Variants in MACROD2 observed in about 807,000 individuals in gnomAD.
MACROD2 encodes the protein mono-ADP ribosylhydrolase 2.
Under a neutral mutation model 70.4 loss-of-function variants are expected in MACROD2, and 36 were observed. The ratio of observed to expected loss-of-function variants is 0.51; its 90% CI spans 0.39 to 0.68. The LOEUF (loss-of-function observed/expected upper bound fraction) is 0.68. Ranked by LOEUF, MACROD2 falls within the 30% of genes least tolerant of loss-of-function variation. The pLI is 0.00. For missense variants in MACROD2, 496 were observed against 538.4 expected (o/e 0.92, Z 0.78); for synonymous variants, 172 against 178.8 (o/e 0.96, Z 0.30).
At chr20:14,938,940 A>AATTTTTTTT (rs2074365546) in intron 5 of MACROD2, among the ~76,000 whole-genome samples, 1 of 86,458 alleles carries the variant, frequency 1.2e-5, no homozygotes, top group Non-Finnish European at 2.5e-5. Flanking sequence ...GTTAAATCAG[A>AATTTTTTTT]TTTTTTTTTT....
At chr20:14,419,109 C>G (rs1030993035) in intron 3 of MACROD2, among the ~76,000 whole-genome samples, 11 of 151,984 alleles carry the variant, frequency 7.2e-5, no homozygotes, top group African/African-American at 2.7e-4. Context: ...GGCTGGAGTG[C>G]AATGGCGGGA....
intron 4 of MACROD2, among the ~76,000 whole-genome samples, chr20:14,582,149 A>G (rs1981070290): frequency 6.6e-6 from 1 of 152,154 alleles, no homozygotes; most frequent in African/African-American, 2.4e-5. Flanking sequence ...ACAAGTCCTC[A>G]TCTCAAGCTC....
intron 6 of MACROD2, among the ~76,000 whole-genome samples, chr20:15,361,367 G>A (rs1165438515): frequency 2.0e-5 from 3 of 152,056 alleles, no homozygotes; most frequent in East Asian, 1.9e-4. Flanking sequence ...TCAAGAAATC[G>A]GTTGGCCATA....
At chr20:15,186,395 G>C (rs1057226853) in intron 5 of MACROD2, among the ~76,000 whole-genome samples, 1 of 152,118 alleles carries the variant, frequency 6.6e-6, no homozygotes, top group Non-Finnish European at 1.5e-5. Flanking sequence ...ATGATCTGAA[G>C]TCTACTTTTT....
chr20:14,463,603 G>A (rs2084399922), intron 3 of MACROD2, among the ~76,000 whole-genome samples: 2 of 152,014 alleles, frequency 1.3e-5, no homozygotes, highest in Non-Finnish European at 2.9e-5. Flanking sequence ...GGGCATCCCT[G>A]TTTGTGCCAG....
At chr20:14,934,685 G>T (rs1203825946) in intron 5 of MACROD2, among the ~76,000 whole-genome samples, 3 of 152,112 alleles carry the variant, frequency 2.0e-5, no homozygotes, top group African/African-American at 7.2e-5. Flanking sequence ...TACTCAGGAG[G>T]CTGAGGCAGG....
At chr20:14,330,850 AAACC>A (rs2082823113) in intron 3 of MACROD2, among the ~76,000 whole-genome samples, 1 of 152,078 alleles carries the variant, frequency 6.6e-6, no homozygotes, top group Non-Finnish European at 1.5e-5. Context: ...TGAAAATGGA[AAACC>A]AAGCTGCTGA....
At position 15,965,999 on chromosome 20, in the gene MACROD2, A is replaced by G. The variant is rs184229812; in HGVS notation, c.908-1554A>G. Among the ~76,000 whole-genome samples, 419 of 152,310 alleles carry G rather than the reference A, an allele frequency of 2.8e-3. 1 individual carries two copies. Among genetic ancestry groups the G allele is most frequent in the Non-Finnish European group, 3.6e-3 (244 of 68,022 alleles). ...CTTCACTGGTTATTAAATTTGAATC[A>G]TATGTTAACTACCCAGGTTTCTCAC... On this transcript the variant is annotated intron_variant, in intron 12 of 17. Coordinates refer to ENST00000684519, the MANE Select transcript of MACROD2 (RefSeq NM_001351661.2).
chr20:15,196,328 A>G (rs920672495), intron 5 of MACROD2, among the ~76,000 whole-genome samples: 8 of 152,214 alleles, frequency 5.3e-5, no homozygotes, highest in African/African-American at 1.9e-4. Context: ...TAACAAGAAC[A>G]TACAACAAAT....
intron 4 of MACROD2, among the ~76,000 whole-genome samples, chr20:14,611,313 G>C (rs1454378828): frequency 6.6e-6 from 1 of 151,980 alleles, no homozygotes; most frequent in African/African-American, 2.4e-5. Flanking sequence ...AGAATACCTG[G>C]TGTATAGTAA....
At chr20:15,966,832 T>A (rs1321287904) in intron 12 of MACROD2, among the ~76,000 whole-genome samples, 1 of 152,188 alleles carries the variant, frequency 6.6e-6, no homozygotes, top group East Asian at 1.9e-4. Flanking sequence ...ATTCACAGGA[T>A]CATTCCAGTA....
At chr20:14,539,066 T>C (rs943524472) in intron 4 of MACROD2, among the ~76,000 whole-genome samples, 6 of 152,182 alleles carry the variant, frequency 3.9e-5, no homozygotes, top group South Asian at 4.1e-4. Context: ...AGTGAATGAA[T>C]GAACAATGGA....
At chr20:15,595,828 T>C (rs900983225) in intron 8 of MACROD2, among the ~76,000 whole-genome samples, 4 of 152,330 alleles carry the variant, frequency 2.6e-5, no homozygotes. Flanking sequence ...CTTGGCACAC[T>C]AATAGAGGCA....
chr20:15,817,236 C>G (rs1353611329), intron 8 of MACROD2, among the ~76,000 whole-genome samples: 2 of 152,188 alleles, frequency 1.3e-5, no homozygotes, highest in Non-Finnish European at 2.9e-5. Flanking sequence ...AATTATTTTT[C>G]TGCAAACCAA....
chr20:15,711,090 C>T (rs367877794), intron 8 of MACROD2, among the ~76,000 whole-genome samples: 31 of 152,200 alleles, frequency 2.0e-4, no homozygotes, highest in African/African-American at 6.3e-4. Flanking sequence ...TTTCCTGCTC[C>T]GGTGTCCCCG....
At chr20:15,826,656 A>G (rs1344468524) in intron 8 of MACROD2, among the ~76,000 whole-genome samples, 5 of 152,324 alleles carry the variant, frequency 3.3e-5, no homozygotes, top group Non-Finnish European at 7.4e-5. Context: ...TTATCAAACT[A>G]CTTTTGTCAC....
intron 3 of MACROD2, among the ~76,000 whole-genome samples, chr20:14,315,840 A>C (rs1158356497): frequency 6.6e-6 from 1 of 152,206 alleles, no homozygotes; most frequent in African/African-American, 2.4e-5. Flanking sequence ...TCTAGCTTTA[A>C]CATTCTATGA....
chr20:14,775,599 C>T (rs1202627370), intron 5 of MACROD2, among the ~76,000 whole-genome samples: 2 of 151,976 alleles, frequency 1.3e-5, no homozygotes, highest in East Asian at 3.9e-4. Flanking sequence ...GTCTCTAACA[C>T]CTCCCACCAG....
Position 15,841,180 on chromosome 20 carries a change from A to G in MACROD2, c.646-21565A>G, listed in dbSNP as rs1306055067. ...TAAGTTGTGAGAAACAGAATGAGCT[A>G]AGCAAAGGGAAAACAGAAGGGATGT... On this transcript the variant is annotated intron_variant, in intron 8 of 17. Coordinates refer to ENST00000684519, the MANE Select transcript of MACROD2 (RefSeq NM_001351661.2). Among the ~76,000 whole-genome samples, 3 of 152,276 alleles carry G rather than the reference A, an allele frequency of 2.0e-5. No individual in the cohort carries two copies. In the East Asian group the frequency reaches 5.8e-4, roughly 29 times the overall value.
Sources: allele counts gnomAD v4.1 joint callset (sites outside exome capture counted in the v4.1 genomes callset), GRCh38; gene constraint gnomAD v4.1.1; transcripts MANE v1.5; gene names NCBI Gene and HGNC (gene_info 2026-07-23, HGNC 2026-07-21).